IPO4: variants seen among roughly 807,000 people sequenced by gnomAD.
IPO4 encodes importin-4.
A neutral mutation model predicts 133.5 loss-of-function variants in IPO4; 91 were observed. That is an observed-to-expected ratio of 0.68 (90% confidence interval 0.58 to 0.81). The LOEUF (loss-of-function observed/expected upper bound fraction) is 0.81. IPO4 is among the 30% of genes least tolerant of loss of function. IPO4 has a pLI of 0.00. For synonymous variants in IPO4, 607 were observed against 581.6 expected (o/e 1.04, Z -0.63); for missense variants, 1,279 against 1,386.2 (o/e 0.92, Z 1.23).
In IPO4 at chr14:24,186,440, C is replaced by A; in HGVS notation, c.852G>T (p.Lys284Asn). 1.3e-6 allele frequency: 2 copies of A among 1,589,990 alleles called. No homozygotes were observed. Among genetic ancestry groups the A allele is most frequent in the Non-Finnish European group, 1.7e-6 (2 of 1,166,172 alleles). ...GCAGCAAGGGTGGCAGGAGACGATTCTTCAGTAAGGCCTTGACAGAGAAGG... is the reference window on the plus strand; with the variant it reads ...GCAGCAAGGGTGGCAGGAGACGATTATTCAGTAAGGCCTTGACAGAGAAGG... ...LVKVKSKALL[K>N]NRLLPPLLHT... Residue 284 changes from lysine to asparagine, a missense_variant, in exon 10 of 30, where the codon AAG becomes AAT. By Grantham distance (94) the Lys-to-Asn change is moderately conservative (BLOSUM62 0). Transcript: ENST00000354464.
chr14:24,187,899 T>C, intron 4 of IPO4, 103 bp from the exon 5 acceptor site: 1 of 1,456,780 alleles, frequency 6.9e-7, no homozygotes. Context: ...TCAGGAGGTG[T>C]GGGCACAGGG....
In IPO4 at chr14:24,182,062, C is replaced by T; in HGVS notation, c.2700G>A (p.Leu900=). Residue 900 remains leucine (L), a synonymous_variant, in exon 26 of 30, where the codon CTG becomes CTA. Coordinates refer to ENST00000354464, the MANE Select transcript of IPO4 (RefSeq NM_024658.4). The part of the protein sequence containing the change: ...GAASAQFVSR[L]LPVLLSTAQE... The stretch of plus-strand genomic sequence containing the variant: ...GGGCGGTGCTCAACAGCACAGGGAG[C>T]AGCCGAGACACAAACTGGGCTGAGG... 6.2e-7 allele frequency: 1 copy of T among 1,613,762 alleles called. No individual in the cohort carries two copies.
chr14:24,187,941 G>T, intron 4 of IPO4, 145 bp from the exon 5 acceptor site: 1 of 992,108 alleles, frequency 1.0e-6, no homozygotes, highest in Non-Finnish European at 1.5e-6. Flanking sequence ...TGAGACAGCA[G>T]CTCAGAGGGA....
Position 24,187,450 on chromosome 14 carries a change from A to G in IPO4, c.538T>C (p.Ser180Pro), listed in dbSNP as rs777015703. 1 of 1,614,110 alleles carries G rather than the reference A, an allele frequency of 6.2e-7. No homozygotes were observed. Among genetic ancestry groups the G allele is most frequent in the South Asian group, 1.1e-5 (1 of 91,072 alleles). The change falls in exon 6 of 30, where the codon TCC (serine) becomes CCC (proline). Residue 180 changes from serine (S) to proline (P), a missense_variant. By Grantham distance (74) the Ser-to-Pro change is moderately conservative. This residue lies in a region of IPO4 where 695 missense variants were observed against 704.1 expected (regional missense o/e 0.99). Transcript: ENST00000354464. ...GCCATGGTGGTCAGAGTGCGCAGGGAGTAGAAGAGCAGCCCAGGAGAGCCC... is the reference window on the plus strand; with the variant it reads ...GCCATGGTGGTCAGAGTGCGCAGGGGGTAGAAGAGCAGCCCAGGAGAGCCC... ...EVGSPGLLFY[S>P]LRTLTTMAPY...
At chr14:24,180,891 A>G (rs1183360165) in intron 28 of IPO4, 133 bp from the exon 29 acceptor site, 3 of 658,338 alleles carry the variant, frequency 4.6e-6, no homozygotes, top group East Asian at 5.5e-5. Context: ...CAGGCATCCA[A>G]GACAACTATG....
Position 24,186,416 on chromosome 14 carries a change from C to A in IPO4, c.876G>T (p.Leu292=). The change falls in exon 10 of 30, where the codon CTG becomes CTT. Residue 292 remains leucine, a synonymous_variant. Transcript: ENST00000354464. Reference sequence around the variant, plus strand: ...CAGCCACAATGGGGAAAAGGGTGTGCAGCAAGGGTGGCAGGAGACGATTCT... The same window carrying A: ...CAGCCACAATGGGGAAAAGGGTGTGAAGCAAGGGTGGCAGGAGACGATTCT... ...LLKNRLLPPL[L]HTLFPIVAAE... 1 of 1,605,570 alleles carries A rather than the reference C, an allele frequency of 6.2e-7. No homozygotes were observed.
intron 6 of IPO4, 93 bp downstream of exon 6, chr14:24,187,307 G>A: frequency 5.3e-6 from 8 of 1,515,986 alleles, no homozygotes; most frequent in Non-Finnish European, 7.3e-6. Flanking sequence ...CCACAGGCAG[G>A]TAAAGAATCC....
chr14:24,184,387 C>T lies in IPO4; in HGVS notation c.1668G>A (p.Gly556=). ...CCTCAGCCAGCGGCCTCATGGGCTC[C>T]CCCACTGCTCGTGCCAGCACCCCCA... ...ETLGVLARAV[G]EPMRPLAEEC... Residue 556 remains glycine (G), a synonymous_variant, in exon 17 of 30, where the codon GGG becomes GGA. Coordinates refer to ENST00000354464, the MANE Select transcript of IPO4 (RefSeq NM_024658.4). 1 of 1,609,010 alleles carries T rather than the reference C, an allele frequency of 6.2e-7. No homozygotes were observed. Among genetic ancestry groups the T allele is most frequent in the South Asian group, 1.1e-5 (1 of 90,040 alleles).
chr14:24,186,877 C>T lies in IPO4; in HGVS notation c.756+1G>A. Reference sequence around the variant, plus strand: ...AGGGGCCATGTCCACTCCAGGCTCACCTCCAGGCAGAATGTGAGGACTTCA... The same window carrying T: ...AGGGGCCATGTCCACTCCAGGCTCATCTCCAGGCAGAATGTGAGGACTTCA... On this transcript the variant is annotated splice_donor_variant, in intron 8 of 29. Transcript: ENST00000354464. LOFTEE classifies it high-confidence loss of function. 2 of 1,613,852 alleles carry T rather than the reference C, an allele frequency of 1.2e-6. No homozygotes were observed. The highest frequency in any genetic ancestry group is 1.7e-6 in the Non-Finnish European group (2 of 1,179,740).
rs1244781024 is a variant in IPO4 at position 24,180,382 on chromosome 14, A to G, written c.*60T>C. 73 of 1,570,684 alleles carry G rather than the reference A, an allele frequency of 4.6e-5. No homozygotes were observed. Among genetic ancestry groups the G allele is most frequent in the Non-Finnish European group, 2.6e-6 (3 of 1,154,630 alleles). ...GGTAAGGCAGAACTGAACTGGGCTG[A>G]GAGGTGGTCTTAAGGCCTGGGCAGG... On this transcript the variant is annotated 3_prime_UTR_variant, in exon 30 of 30. Transcript: ENST00000354464.
chr14:24,183,373 G>C lies in IPO4; in HGVS notation c.2122-18C>G, dbSNP rs1211576724. 1 of 1,600,128 alleles carries C rather than the reference G, an allele frequency of 6.2e-7. No homozygotes were observed. Among genetic ancestry groups the C allele is most frequent in the Admixed American group, 1.7e-5 (1 of 57,712 alleles). On this transcript the variant is annotated intron_variant, in intron 21 of 29. Transcript: ENST00000354464. Reference sequence around the variant, plus strand: ...TGAGGGCACTGCAGGATGAGGAGGGGCGGGATATGTCTGCTATGTGCACCG... The same window carrying C: ...TGAGGGCACTGCAGGATGAGGAGGGCCGGGATATGTCTGCTATGTGCACCG...
chr14:24,184,688 C>G lies in IPO4; in HGVS notation c.1598G>C (p.Gly533Ala). The G allele has an allele frequency of 6.2e-7, 1 of 1,611,904 alleles. No homozygotes were observed. Among genetic ancestry groups the G allele is most frequent in the Non-Finnish European group, 8.5e-7 (1 of 1,179,052 alleles). ...MEHLREFLLT[G>A]REDLQPVQIQ... ...CTGCACAGGCTGAAGGTCCTCACGG[C>G]CTGTTAACAGGAATTCCCGCAGGTG... The change falls in exon 16 of 30, where the codon GGC (glycine) becomes GCC (alanine). Residue 533 changes from glycine (G) to alanine (A), a missense_variant. By Grantham distance (60) the Gly-to-Ala change is moderately conservative (BLOSUM62 0). Coordinates refer to ENST00000354464, the MANE Select transcript of IPO4 (RefSeq NM_024658.4).
At chr14:24,185,056 C>CT (rs972449006) in intron 14 of IPO4, 76 bp from the exon 15 acceptor site, 6 of 1,589,516 alleles carry the variant, frequency 3.8e-6, no homozygotes, top group African/African-American at 2.7e-5. Flanking sequence ...AGGCGGAAAC[C>CT]TTTTTTTGGC....
chr14:24,183,804 T>C lies in IPO4; in HGVS notation c.1964A>G (p.Glu655Gly). The C allele has an allele frequency of 6.2e-7, 1 of 1,614,152 alleles. No homozygotes were observed. Among genetic ancestry groups the C allele is most frequent in the Non-Finnish European group, 8.5e-7 (1 of 1,180,038 alleles). ...EELMDEDVEE[E>G]DDSEISGYSV... Reference sequence around the variant, plus strand: ...GCACCCTGAGATCTCTGAGTCATCCTCTTCTTCCACATCCTCATCCATGAG... The same window carrying C: ...GCACCCTGAGATCTCTGAGTCATCCCCTTCTTCCACATCCTCATCCATGAG... Residue 655 changes from glutamate (E) to glycine (G), a missense_variant, in exon 19 of 30, where the codon GAG (glutamate) becomes GGG (glycine). By Grantham distance (98) the Glu-to-Gly change is moderately conservative (BLOSUM62 -2). Around this residue, in one of 3 missense-constraint regions of IPO4, gnomAD observed 575 missense variants for 653.4 expected, o/e 0.88. Transcript: ENST00000354464.
rs530739807 is a variant in IPO4 at position 24,182,899 on chromosome 14, G to A, written c.2422-57C>T. 180 of 1,545,738 alleles carry A rather than the reference G, an allele frequency of 1.2e-4. No individual in the cohort carries two copies. The African/African-American group carries it at 3.3e-3, about 28-fold the overall frequency. On this transcript the variant is annotated intron_variant, in intron 23 of 29. Transcript: ENST00000354464. ...TCACGCCCCTTCTCTTTTCATGGGG[G>A]TAGGGGGTGGACTTGTAGCCAGTCC...
At position 24,188,803 on chromosome 14, in the gene IPO4, G is replaced by T; in HGVS notation, c.-16C>A. On this transcript the variant is annotated 5_prime_UTR_variant, in exon 1 of 30. Coordinates refer to ENST00000354464, the MANE Select transcript of IPO4 (RefSeq NM_024658.4). ...CTGACTCCATGGCAGCAACTGAGCC[G>T]CCGCTACTGGGCCGAAAAGGGGAGG... 1 of 1,489,808 alleles carries T rather than the reference G, an allele frequency of 6.7e-7. No individual in the cohort carries two copies. Among genetic ancestry groups the T allele is most frequent in the Non-Finnish European group, 8.9e-7 (1 of 1,120,404 alleles). 92.3% of individuals were successfully genotyped at this position (1,489,808 alleles called of 1,614,324 possible). A position where few individuals can be genotyped will look rare whatever the true frequency, so the allele number is the denominator to read the frequency against.
Position 24,185,469 on chromosome 14 carries a change from T to C in IPO4, c.1268A>G (p.Glu423Gly), listed in dbSNP as rs746308137. 4.3e-6 allele frequency: 7 copies of C among 1,614,086 alleles called. No individual in the cohort carries two copies. The Admixed American group carries it at 5.0e-5, about 12-fold the overall frequency. Residue 423 changes from glutamate to glycine, a missense_variant, in exon 13 of 30, where the codon GAA becomes GGA. This residue lies in a region of IPO4 where 695 missense variants were observed against 704.1 expected (regional missense o/e 0.99). Coordinates refer to ENST00000354464, the MANE Select transcript of IPO4 (RefSeq NM_024658.4). ...TTCAGCCTGGTTCACCTGTAGGTTT[T>C]CTGAGAACTGGCCCAGGGCAAACAG... ...AALFALGQFS[E>G]NLQPHISSYS...
At position 24,182,157 on chromosome 14, in the gene IPO4, CCT is replaced by C. The variant is rs1374792283; in HGVS notation, c.2603_2604del (p.Gln868ArgfsTer87). The C allele has an allele frequency of 1.9e-6, 3 of 1,614,098 alleles. No individual in the cohort carries two copies. In the South Asian group the frequency reaches 3.3e-5, roughly 18 times the overall value. On this transcript the variant is annotated frameshift_variant, in exon 26 of 30. Transcript: ENST00000354464. LOFTEE classifies it high-confidence loss of function. ...AAGGACTTCTCTGCCACTGTGCAGCCCTGTTTCTGATGGGGGAGAACAGGAAG... is the reference window on the plus strand; with the variant it reads ...AAGGACTTCTCTGCCACTGTGCAGCCGTTTCTGATGGGGGAGAACAGGAAG... Reference protein sequence around the residue: ...FLPLLVCKTKQGCTVAEKSFA... With the variant: ...FLPLLVCKTKXGCTVAEKSFA...
At chr14:24,182,243 G>C (rs375143512) in intron 25 of IPO4, 35 bp downstream of exon 25, 4 of 1,613,878 alleles carry the variant, frequency 2.5e-6, no homozygotes, top group Admixed American at 3.3e-5. Flanking sequence ...GTGCACGAGG[G>C]GACTAGGGCT....
Sources: gnomAD v4.1 joint callset for allele counts on GRCh38, gnomAD v4.1.1 for gene constraint, gnomAD v4.1.1 regional missense constraint, MANE v1.5 for transcripts, NCBI Gene and HGNC (gene_info 2026-07-23, HGNC 2026-07-21) for gene names.